Variants in ZNF687 observed in about 807,000 individuals in gnomAD.
ZNF687 encodes the protein zinc finger protein 687.
A neutral mutation model predicts 71.8 loss-of-function variants in ZNF687; 13 were observed. The observed-to-expected ratio is 0.18, with a 90% CI of 0.12 to 0.29. The LOEUF (loss-of-function observed/expected upper bound fraction) is 0.29, where lower values mean the gene tolerates loss of function less well. ZNF687 is among the 10% of genes least tolerant of loss of function. The probability of loss-of-function intolerance (pLI) is 1.00; values close to 1 mark genes in which losing one functional copy is unlikely to be tolerated. For missense variants in ZNF687, 1,412 were observed against 1,625.6 expected, an observed-to-expected ratio of 0.87 and a Z score of 2.26; for synonymous variants, 673 against 641.6, an observed-to-expected ratio of 1.05 and a Z score of -0.74.
chr1:151,288,251 G>A lies in ZNF687; in HGVS notation c.1960G>A (p.Val654Ile). The A allele has an allele frequency of 6.2e-7, 1 of 1,613,416 alleles. No individual in the cohort carries two copies. Among genetic ancestry groups the A allele is most frequent in the East Asian group, 2.2e-5 (1 of 44,872 alleles). Residue 654 changes from valine (V) to isoleucine (I), a missense_variant, in exon 2 of 9, where the codon GTC becomes ATC. Val to Ile is a conservative substitution (Grantham distance 29, BLOSUM62 3). Around this residue, in one of 8 missense-constraint regions of ZNF687, gnomAD observed 207 missense variants for 239.2 expected, o/e 0.87. Transcript: ENST00000336715. ...AITTVAAEAP[V>I]LPLSTEPPAA... ...TACTACAGTTGCTGCTGAGGCCCCT[G>A]TCCTGCCGCTCTCCACAGAGCCGCC...
chr1:151,283,649 G>A (rs752523794), intron 1 of ZNF687, among the ~76,000 whole-genome samples: 7 of 152,170 alleles, frequency 4.6e-5, no homozygotes, highest in African/African-American at 7.2e-5. Context: ...ACTTTTCTGA[G>A]TACCTGAGTG....
Position 151,287,430 on chromosome 1 carries a change from C to T in ZNF687, c.1139C>T (p.Ser380Phe). 6.2e-7 allele frequency: 1 copy of T among 1,614,208 alleles called. No individual in the cohort carries two copies. Among genetic ancestry groups the T allele is most frequent in the Non-Finnish European group, 8.5e-7 (1 of 1,180,040 alleles). ...AAGCTGTCCCCTGCAACACCTACTT[C>T]TGAGGGTCCAAAGGTGGTGAGCGTA... ...LLKLSPATPTSEGPKVVSVQL... is the reference protein window; with the variant it reads ...LLKLSPATPTFEGPKVVSVQL... The change falls in exon 2 of 9, where the codon TCT becomes TTT. Residue 380 changes from serine (S) to phenylalanine (F), a missense_variant. Around this residue, in one of 8 missense-constraint regions of ZNF687, gnomAD observed 490 missense variants for 489.9 expected, o/e 1.00. Coordinates refer to ENST00000336715, the MANE Select transcript of ZNF687 (RefSeq NM_020832.3). This position sits in a 1 kb window ranked among gnomAD's most constrained non-coding sequence, Gnocchi z 5.0.
rs1694014769 is a variant in ZNF687 at position 151,287,742 on chromosome 1, C to G, written c.1451C>G (p.Thr484Arg). 1 of 1,613,990 alleles carries G rather than the reference C, an allele frequency of 6.2e-7. No homozygotes were observed. Among genetic ancestry groups the G allele is most frequent in the East Asian group, 2.2e-5 (1 of 44,876 alleles). The change falls in exon 2 of 9, where the codon ACA (threonine) becomes AGA (arginine). Residue 484 changes from threonine to arginine, a missense_variant. This residue lies in a region of ZNF687 where 133 missense variants were observed against 155.1 expected (regional missense o/e 0.86). Transcript: ENST00000336715. This position sits in a 1 kb window ranked among gnomAD's most constrained non-coding sequence, Gnocchi z 5.0. ...QPSKTATGPS[T>R]GGGTVISRTQ... ...TCAAAGACAGCTACTGGGCCAAGTACAGGGGGCGGCACAGTGATATCACGG... is the reference window on the plus strand; with the variant it reads ...TCAAAGACAGCTACTGGGCCAAGTAGAGGGGGCGGCACAGTGATATCACGG...
At chr1:151,288,845 T>C in intron 3 of ZNF687, 139 bp downstream of exon 3, 7 of 1,151,328 alleles carry the variant, frequency 6.1e-6, no homozygotes, top group Non-Finnish European at 7.3e-6. Flanking sequence ...CCTGAGATAG[T>C]ACGTCCTGCC....
chr1:151,286,285 T>C lies in ZNF687; in HGVS notation c.-7T>C, dbSNP rs2101868548. The C allele has an allele frequency of 6.5e-7, 1 of 1,541,382 alleles. No individual in the cohort carries two copies. Among genetic ancestry groups the C allele is most frequent in the Non-Finnish European group, 8.7e-7 (1 of 1,147,336 alleles). ...TCCTGTTTTCATCAGGTCTGGGATC[T>C]GCCGATATGGGGGATATGAAGACCC... On this transcript the variant is annotated 5_prime_UTR_variant, in exon 2 of 9. Transcript: ENST00000336715.
At chr1:151,283,764 T>C (rs1571087078) in intron 1 of ZNF687, 1 of 923,564 alleles carries the variant, frequency 1.1e-6, no homozygotes, top group Non-Finnish European at 1.3e-6. Context: ...TTGAATAGGG[T>C]GGGGGTGAGG....
chr1:151,289,705 G>C lies in ZNF687; in HGVS notation c.2662G>C (p.Glu888Gln), dbSNP rs761642485. Residue 888 changes from glutamate to glutamine, a missense_variant, in exon 6 of 9, where the codon GAG becomes CAG. This residue lies in a region of ZNF687 where 106 missense variants were observed against 146.0 expected (regional missense o/e 0.73). Coordinates refer to ENST00000336715, the MANE Select transcript of ZNF687 (RefSeq NM_020832.3). ...KNTHQSGRLE[E>Q]TAGKGAGGAL... ...CACCCATCAGTCTGGGCGCTTGGAG[G>C]AGACTGCTGGGAAAGGGGCCGGGGG... The C allele has an allele frequency of 1.8e-5, 28 of 1,564,384 alleles. No homozygotes were observed. In the South Asian group the frequency reaches 3.1e-4, roughly 18 times the overall value.
rs1694012356 is a variant in ZNF687, at chr1:151,287,681, A to C, written c.1390A>C (p.Lys464Gln). 6.2e-7 allele frequency: 1 copy of C among 1,613,556 alleles called. No individual in the cohort carries two copies. The highest frequency in any genetic ancestry group is 1.1e-5 in the South Asian group (1 of 91,040). ...GRAGLGTGGQ[K>Q]VNGASVVMVQ... Reference sequence around the variant, plus strand: ...GGCAGGGCTGGGGACTGGGGGACAGAAGGTGAATGGTGCCTCGGTGGTGAT... The same window carrying C: ...GGCAGGGCTGGGGACTGGGGGACAGCAGGTGAATGGTGCCTCGGTGGTGAT... Residue 464 changes from lysine (K) to glutamine (Q), a missense_variant, in exon 2 of 9, where the codon AAG becomes CAG. Around this residue, in one of 8 missense-constraint regions of ZNF687, gnomAD observed 133 missense variants for 155.1 expected, o/e 0.86. Transcript: ENST00000336715. This position sits in a 1 kb window ranked among gnomAD's most constrained non-coding sequence, Gnocchi z 5.0.
chr1:151,291,051 C>A lies in ZNF687; in HGVS notation c.3556C>A (p.Pro1186Thr). Residue 1186 changes from proline (P) to threonine (T), a missense_variant, in exon 9 of 9, where the codon CCC becomes ACC. By Grantham distance (38) the Pro-to-Thr change is conservative. Coordinates refer to ENST00000336715, the MANE Select transcript of ZNF687 (RefSeq NM_020832.3). The stretch of plus-strand genomic sequence containing the variant: ...AGAGGCCCCTCCATCAAGGTCTGAC[C>A]CCGATGGTGGAGACTCACCCCTGCC... ...EEEAPPSRSD[P>T]DGGDSPLPAS... 6.2e-7 allele frequency: 1 copy of A among 1,613,762 alleles called. No individual in the cohort carries two copies. The highest frequency in any genetic ancestry group is 2.2e-5 in the East Asian group (1 of 44,854).
In ZNF687 at chr1:151,286,972, C is replaced by T. The variant is rs912582688; in HGVS notation, c.681C>T (p.Ser227=). 2.5e-6 allele frequency: 4 copies of T among 1,604,778 alleles called. No homozygotes were observed. In the African/African-American group the frequency reaches 5.4e-5, roughly 21 times the overall value. The change falls in exon 2 of 9, where the codon AGC becomes AGT. Residue 227 remains serine, a synonymous_variant. Coordinates refer to ENST00000336715, the MANE Select transcript of ZNF687 (RefSeq NM_020832.3). ...GGGCCTTGAAGCAGGAGAGCTGCAG[C>T]CCCCATCATCCCCAGGTCCTAGCCC... is the stretch of plus-strand genomic sequence containing the variant. ...PLGALKQESC[S]PHHPQVLAQQ... is the part of the protein sequence containing the mutation.
chr1:151,284,339 A>G, intron 1 of ZNF687: 2 of 877,890 alleles, frequency 2.3e-6, no homozygotes, highest in Non-Finnish European at 2.7e-6. Flanking sequence ...TGGCTAGGGG[A>G]GGGCCAGGCA....
Position 151,289,322 on chromosome 1 carries a change from A to C in ZNF687, c.2471+51A>C, listed in dbSNP as rs777796489. On this transcript the variant is annotated intron_variant, in intron 4 of 8. Coordinates refer to ENST00000336715, the MANE Select transcript of ZNF687 (RefSeq NM_020832.3). The stretch of plus-strand genomic sequence containing the variant: ...GGGCCAGGGAGGGCTGGTGGGGCGC[A>C]GGAGGGGAGGGGCTGCACCCAACCC... The C allele has an allele frequency of 5.6e-6, 9 of 1,612,848 alleles. No individual in the cohort carries two copies. The Admixed American group carries it at 1.5e-4, about 27-fold the overall frequency.
Position 151,287,120 on chromosome 1 carries a change from A to G in ZNF687, c.829A>G (p.Lys277Glu). Residue 277 changes from lysine to glutamate, a missense_variant, in exon 2 of 9, where the codon AAA (lysine) becomes GAA (glutamate). Physicochemically the swap from Lys to Glu is moderately conservative, Grantham distance 56. Transcript: ENST00000336715. This position sits in a 1 kb window ranked among gnomAD's most constrained non-coding sequence, Gnocchi z 5.0. ...PGHQSPLASPKVPVCQPLKEE... is the reference protein window; with the variant it reads ...PGHQSPLASPEVPVCQPLKEE... ...GCACCAGAGCCCTCTTGCCTCCCCC[A>G]AAGTGCCCGTCTGTCAGCCCTTGAA... 1 of 1,614,040 alleles carries G rather than the reference A, an allele frequency of 6.2e-7. No individual in the cohort carries two copies. The highest frequency in any genetic ancestry group is 8.5e-7 in the Non-Finnish European group (1 of 1,179,992).
At position 151,287,597 on chromosome 1, in the gene ZNF687, A is replaced by G. The variant is rs1694009183; in HGVS notation, c.1306A>G (p.Met436Val). The G allele has an allele frequency of 4.3e-6, 7 of 1,613,758 alleles. No individual in the cohort carries two copies. The highest frequency in any genetic ancestry group is 5.9e-6 in the Non-Finnish European group (7 of 1,179,918). Residue 436 changes from methionine (M) to valine (V), a missense_variant, in exon 2 of 9, where the codon ATG (methionine) becomes GTG (valine). This residue lies in a region of ZNF687 where 133 missense variants were observed against 155.1 expected (regional missense o/e 0.86). Coordinates refer to ENST00000336715, the MANE Select transcript of ZNF687 (RefSeq NM_020832.3). The surrounding 1 kb of genome is among the most constrained non-coding windows in gnomAD (Gnocchi z 5.0). The part of the protein sequence containing the change: ...LPGGTATSPK[M>V]IAKNVLGLVP... Reference sequence around the variant, plus strand: ...TGGGGGGACTGCCACCAGCCCTAAGATGATTGCTAAGAACGTGCTAGGCCT... The same window carrying G: ...TGGGGGGACTGCCACCAGCCCTAAGGTGATTGCTAAGAACGTGCTAGGCCT...
Position 151,289,247 on chromosome 1 carries a change from C to T in ZNF687, c.2447C>T (p.Pro816Leu), listed in dbSNP as rs774080451. The change falls in exon 4 of 9, where the codon CCC becomes CTC. Residue 816 changes from proline (P) to leucine (L), a missense_variant. Coordinates refer to ENST00000336715, the MANE Select transcript of ZNF687 (RefSeq NM_020832.3). ...SAHAHLYSQH[P>L]SFQTQQAKLI... ...CATGCCCACCTCTACTCCCAGCATC[C>T]CAGCTTCCAAACTCAGCAGGCCAAG... 6.2e-7 allele frequency: 1 copy of T among 1,614,044 alleles called. No homozygotes were observed. Among genetic ancestry groups the T allele is most frequent in the Non-Finnish European group, 8.5e-7 (1 of 1,180,002 alleles).
intron 7 of ZNF687, 50 bp downstream of exon 7, chr1:151,290,284 T>C (rs1189307363): frequency 1.2e-6 from 2 of 1,610,350 alleles, no homozygotes; most frequent in Non-Finnish European, 1.7e-6. Context: ...TGACTCTCCC[T>C]GTATGCCAAA....
chr1:151,290,514 G>A lies in ZNF687; in HGVS notation c.3160G>A (p.Gly1054Arg), dbSNP rs1694182605. 1.9e-6 allele frequency: 3 copies of A among 1,613,780 alleles called. No homozygotes were observed. Among genetic ancestry groups the A allele is most frequent in the Admixed American group, 1.7e-5 (1 of 60,004 alleles). ...CCAGGTCCGGCACGGCTTGCAGCTT[G>A]GGGCCCAGTCCCCTGGCCGGGGGAC... ...HVQVRHGLQL[G>R]AQSPGRGTTL... Residue 1054 changes from glycine to arginine, a missense_variant, in exon 8 of 9, where the codon GGG becomes AGG. Physicochemically the swap from Gly to Arg is moderately radical, Grantham distance 125. Around this residue, in one of 8 missense-constraint regions of ZNF687, gnomAD observed 284 missense variants for 359.2 expected, o/e 0.79. Transcript: ENST00000336715.
chr1:151,281,977 T>C (rs587693030), upstream of ZNF687: 2 of 1,212,182 alleles, frequency 1.6e-6, no homozygotes, highest in South Asian at 2.8e-5. Flanking sequence ...GTAGGCAAGC[T>C]GGGAAGCAGG....
At position 151,286,834 on chromosome 1, in the gene ZNF687, A is replaced by T; in HGVS notation, c.543A>T (p.Ala181=). 6.2e-7 allele frequency: 1 copy of T among 1,613,812 alleles called. No individual in the cohort carries two copies. Among genetic ancestry groups the T allele is most frequent in the Non-Finnish European group, 8.5e-7 (1 of 1,179,884 alleles). ...GDHSDPLPPS[A]PSPTREGALT... ...ACTCAGATCCGCTGCCTCCCTCTGC[A>T]CCCTCTCCCACTCGGGAGGGGGCTC... Residue 181 remains alanine (A), a synonymous_variant, in exon 2 of 9, where the codon GCA becomes GCT. Transcript: ENST00000336715.
Sources: allele counts gnomAD v4.1 joint callset (sites outside exome capture counted in the v4.1 genomes callset), GRCh38; gene constraint gnomAD v4.1.1; regional missense constraint gnomAD v4.1.1; non-coding constraint Gnocchi (gnomAD v3.1); transcripts MANE v1.5; gene names NCBI Gene and HGNC (gene_info 2026-07-23, HGNC 2026-07-21).